Variants in TRMT44 observed in about 807,000 individuals in gnomAD.
The protein encoded by TRMT44 is probable tRNA (uracil-O(2)-)-methyltransferase.
Under a neutral mutation model 77.3 loss-of-function variants are expected in TRMT44, and 78 were observed. That is an observed-to-expected ratio of 1.01 (90% confidence interval 0.84 to 1.22). TRMT44 has a LOEUF of 1.22. TRMT44 is among the 50% of genes most tolerant of loss of function. TRMT44 has a pLI of 0.00. For missense variants in TRMT44, 1,090 were observed against 964.4 expected, an observed-to-expected ratio of 1.13 and a Z score of -1.73; for synonymous variants, 391 against 383.3, an observed-to-expected ratio of 1.02 and a Z score of -0.23.
chr4:8,500,525 T>A, the TRMT44 span, among the ~76,000 whole-genome samples: 1 of 151,568 alleles, frequency 6.6e-6, no homozygotes, highest in Non-Finnish European at 1.5e-5. Flanking sequence ...TAAAATAAAA[T>A]AAATTAAAAG....
chr4:8,515,588 G>A, the TRMT44 span, among the ~76,000 whole-genome samples: 1 of 152,314 alleles, frequency 6.6e-6, no homozygotes, highest in African/African-American at 2.4e-5. Flanking sequence ...AGTCGGGTGA[G>A]TCAGGAAAGG....
rs1392034836 is a variant in TRMT44, at chr4:8,441,378, G to T, written c.556G>T (p.Val186Phe). 2 of 1,532,188 alleles carry T rather than the reference G, an allele frequency of 1.3e-6. No homozygotes were observed. The highest frequency in any genetic ancestry group is 3.9e-5 in the Admixed American group (2 of 50,790). The allele number at this position is 1,532,188 out of a possible 1,614,324, so 94.9% of individuals were successfully genotyped here. A position where few individuals can be genotyped will look rare whatever the true frequency, so the allele number is the denominator to read the frequency against. The change falls in exon 1 of 11, where the codon GTC becomes TTC. Residue 186 changes from valine (V) to phenylalanine (F), a missense_variant. Physicochemically the swap from Val to Phe is conservative, Grantham distance 50. Coordinates refer to ENST00000389737, the MANE Select transcript of TRMT44 (RefSeq NM_152544.3). ...TGAGCTCGACGTGGTTCTCAGAACC[G>T]TCATCCCGAAAACTAGCCCACATTG... Reference protein sequence around the residue: ...QRELDVVLRTVIPKTSPHCPL... With the variant: ...QRELDVVLRTFIPKTSPHCPL...
Position 8,486,297 on chromosome 4 carries a change from A to G in TRMT44, n.3891+6764A>G, listed in dbSNP as rs373159657. On this transcript the variant is annotated intron_variant and non_coding_transcript_variant, in intron 2 of 2. Transcript: ENST00000511366. ...AACGCCTGGCCACTGCGGTTTAGGC[A>G]TTTGGAAGTTCTTGTGTGCTGGAGA... Among the ~76,000 whole-genome samples, 16 of 152,254 alleles carry G rather than the reference A, an allele frequency of 1.1e-4. No homozygotes were observed. The East Asian group carries it at 2.9e-3, about 28-fold the overall frequency.
At chr4:8,490,692 T>C (rs1450831749) in intron 2 of TRMT44, among the ~76,000 whole-genome samples, 2 of 152,262 alleles carry the variant, frequency 1.3e-5, no homozygotes, top group Middle Eastern at 6.8e-3. Flanking sequence ...GAGTGAGCAG[T>C]AGCAAGATTT....
At chr4:8,503,149 G>A in the TRMT44 span, among the ~76,000 whole-genome samples, 1 of 152,216 alleles carries the variant, frequency 6.6e-6, no homozygotes, top group Non-Finnish European at 1.5e-5. Flanking sequence ...ACTTGGCAGG[G>A]GTTCCTGGAC....
the TRMT44 span, among the ~76,000 whole-genome samples, chr4:8,514,251 C>CT: frequency 0.094 from 10,731 of 114,212 alleles, 653 homozygotes; most frequent in African/African-American, 0.16. Flanking sequence ...GGGCTCTGAT[C>CT]TTTTTTTTTT....
chr4:8,486,434 G>C (rs547754445), intron 2 of TRMT44, among the ~76,000 whole-genome samples: 44 of 152,326 alleles, frequency 2.9e-4, no homozygotes, highest in Non-Finnish European at 5.0e-4. Flanking sequence ...ATTAAGTCCT[G>C]TTGGGTTTGA....
chr4:8,463,151 G>T (rs1355156584), intron 6 of TRMT44, among the ~76,000 whole-genome samples: 1 of 152,154 alleles, frequency 6.6e-6, no homozygotes, highest in African/African-American at 2.4e-5. Flanking sequence ...TATGATCAGG[G>T]AATAACTTCT....
At chr4:8,474,893 C>G (rs550723290) in intron 10 of TRMT44, among the ~76,000 whole-genome samples, 1 of 152,178 alleles carries the variant, frequency 6.6e-6, no homozygotes, top group Non-Finnish European at 1.5e-5. Context: ...ACCCAGGTGA[C>G]GAGCGGGCCC....
At chr4:8,463,911 C>T in intron 6 of TRMT44, 74 bp from the exon 7 acceptor site, 1 of 1,278,018 alleles carries the variant, frequency 7.8e-7, no homozygotes, top group South Asian at 1.3e-5. Context: ...CTGTACCCTC[C>T]CGCCATGTCC....
chr4:8,465,184 A>T (rs1412263066), intron 7 of TRMT44, among the ~76,000 whole-genome samples, 194 bp from the exon 8 acceptor site: 1 of 152,222 alleles, frequency 6.6e-6, no homozygotes, highest in East Asian at 1.9e-4. Flanking sequence ...CACCCATGCC[A>T]CAAACCTGCA....
At chr4:8,473,982 C>A (rs781430689) in intron 10 of TRMT44, among the ~76,000 whole-genome samples, 21 of 152,214 alleles carry the variant, frequency 1.4e-4, no homozygotes, top group Non-Finnish European at 2.5e-4. Context: ...CCTTAGACAC[C>A]CTGCAGGTCC....
chr4:8,516,323 G>T, the TRMT44 span, among the ~76,000 whole-genome samples: 1 of 152,168 alleles, frequency 6.6e-6, no homozygotes, highest in Non-Finnish European at 1.5e-5. Flanking sequence ...GGCTCTGCGT[G>T]CCAAGGACAC....
chr4:8,461,711 A>G lies in TRMT44; in HGVS notation c.1204-2274A>G, dbSNP rs539697532. On this transcript the variant is annotated intron_variant, in intron 6 of 10. Transcript: ENST00000389737. This position sits in a 1 kb window ranked among gnomAD's most constrained non-coding sequence, Gnocchi z 4.6. ...TAGGTTTTTTCCTTGTTACCTCCCAACCTTCAGTCTCGGTGCTAAAATAGC... is the reference window on the plus strand; with the variant it reads ...TAGGTTTTTTCCTTGTTACCTCCCAGCCTTCAGTCTCGGTGCTAAAATAGC... Among the ~76,000 whole-genome samples the G allele has an allele frequency of 1.8e-4, 27 of 147,484 alleles. No homozygotes were observed. Among genetic ancestry groups the G allele is most frequent in the Non-Finnish European group, 3.6e-4 (24 of 66,474 alleles).
downstream of TRMT44, among the ~76,000 whole-genome samples, chr4:8,498,135 C>G (rs528037698): frequency 6.6e-6 from 1 of 151,958 alleles, no homozygotes; most frequent in African/African-American, 2.4e-5. The surrounding 1 kb of genome is among the most constrained non-coding windows in gnomAD (Gnocchi z 4.3). Flanking sequence ...TCCCCTTCTC[C>G]GGGGTTTTCT....
downstream of TRMT44, among the ~76,000 whole-genome samples, chr4:8,493,715 G>T (rs925127361): frequency 1.3e-5 from 2 of 152,016 alleles, no homozygotes; most frequent in Admixed American, 6.6e-5. Flanking sequence ...CAGCGCAGCG[G>T]ATCCTTTTGG....
downstream of TRMT44, among the ~76,000 whole-genome samples, chr4:8,496,221 G>T (rs1212922503): frequency 6.6e-6 from 1 of 152,192 alleles, no homozygotes; most frequent in African/African-American, 2.4e-5. Flanking sequence ...GCTCAACCCT[G>T]CTCCCACTGT....
At chr4:8,442,906 A>T (rs568366183) in intron 1 of TRMT44, among the ~76,000 whole-genome samples, 2 of 152,332 alleles carry the variant, frequency 1.3e-5, no homozygotes, top group African/African-American at 4.8e-5. Flanking sequence ...GGCCGGGCTC[A>T]CCTGGATAAT....
Position 8,475,844 on chromosome 4 carries a change from A to C in TRMT44, c.2117A>C (p.Lys706Thr). 1 of 1,614,174 alleles carries C rather than the reference A, an allele frequency of 6.2e-7. No individual in the cohort carries two copies. The highest frequency in any genetic ancestry group is 1.1e-5 in the South Asian group (1 of 91,086). Reference sequence around the variant, plus strand: ...TGGAAGACAAAGCAACCGGAAGCGAAACAGAGACTGCTCTCTGAAGCCTGC... The same window carrying C: ...TGGAAGACAAAGCAACCGGAAGCGACACAGAGACTGCTCTCTGAAGCCTGC... ...TLWKTKQPEA[K>T]QRLLSEACKT... Residue 706 changes from lysine to threonine, a missense_variant, in exon 11 of 11, where the codon AAA becomes ACA. Coordinates refer to ENST00000389737, the MANE Select transcript of TRMT44 (RefSeq NM_152544.3).
Sources: gnomAD v4.1 joint callset for allele counts (sites outside exome capture counted in the v4.1 genomes callset) on GRCh38, gnomAD v4.1.1 for gene constraint, Gnocchi (gnomAD v3.1) non-coding constraint, MANE v1.5 for transcripts, NCBI Gene and HGNC (gene_info 2026-07-23, HGNC 2026-07-21) for gene names.